UGGT2: variants seen among roughly 807,000 people sequenced by gnomAD.
The protein encoded by UGGT2 is UDP-glucose glycoprotein glucosyltransferase 2.
In UGGT2, 180 loss-of-function variants were observed where a neutral mutation model predicts 192.1. The ratio of observed to expected loss-of-function variants is 0.94; its 90% CI spans 0.83 to 1.06. The LOEUF is 1.06. UGGT2 is among the 50% of genes least tolerant of loss of function. UGGT2 has a pLI of 0.00. For synonymous variants in UGGT2, 580 were observed against 591.0 expected, an observed-to-expected ratio of 0.98 and a Z score of 0.27; for missense variants, 1,849 against 1,795.7, an observed-to-expected ratio of 1.03 and a Z score of -0.54.
At chr13:95,865,546 C>T (rs1890581492) in intron 30 of UGGT2, among the ~76,000 whole-genome samples, 2 of 152,120 alleles carry the variant, frequency 1.3e-5, no homozygotes, top group South Asian at 2.1e-4. Flanking sequence ...TGCCTGTGGT[C>T]CCAGTTACTC....
intron 24 of UGGT2, among the ~76,000 whole-genome samples, chr13:95,892,901 CAT>C (rs950463433): frequency 6.6e-6 from 1 of 152,094 alleles, no homozygotes; most frequent in Non-Finnish European, 1.5e-5. Context: ...TTCAAGACCT[CAT>C]AGTTTCTCAC....
In UGGT2 at chr13:95,940,038, C is replaced by G. The variant is rs1403424306; in HGVS notation, c.1731G>C (p.Lys577Asn). ...DQNILTVDNV[K>N]SVLQNTFPHA... is the part of the protein sequence containing the mutation. ...GAGGAAATGTATTTTGGAGAACACTCTTCACATTGTCCACAGTGAGTATAT... is the reference window on the plus strand; with the variant it reads ...GAGGAAATGTATTTTGGAGAACACTGTTCACATTGTCCACAGTGAGTATAT... Residue 577 changes from lysine to asparagine, a missense_variant, in exon 16 of 39, where the codon AAG becomes AAC. Lys to Asn is a moderately conservative substitution (Grantham distance 94). Transcript: ENST00000376747. 1 of 1,591,652 alleles carries G rather than the reference C, an allele frequency of 6.3e-7. No individual in the cohort carries two copies. The highest frequency in any genetic ancestry group is 8.6e-7 in the Non-Finnish European group (1 of 1,169,318).
At chr13:95,938,570 G>T (rs1168508921) in intron 16 of UGGT2, among the ~76,000 whole-genome samples, 4 of 152,140 alleles carry the variant, frequency 2.6e-5, no homozygotes, top group African/African-American at 9.7e-5. Flanking sequence ...CTTAACCACT[G>T]TACTATACTA....
intron 6 of UGGT2, among the ~76,000 whole-genome samples, chr13:95,998,787 A>G (rs1770961877): frequency 6.6e-6 from 1 of 150,670 alleles, no homozygotes; most frequent in African/African-American, 2.4e-5. Context: ...TCAGGATAGA[A>G]AAAAAAAAAC....
chr13:95,958,723 A>G (rs950511027), intron 12 of UGGT2, among the ~76,000 whole-genome samples: 20 of 151,998 alleles, frequency 1.3e-4, no homozygotes, highest in Non-Finnish European at 2.6e-4. Flanking sequence ...CGTCTAAGGG[A>G]GCACACTGGA....
intron 38 of UGGT2, among the ~76,000 whole-genome samples, chr13:95,812,831 A>G (rs1461382606): frequency 1.3e-5 from 2 of 152,030 alleles, no homozygotes; most frequent in African/African-American, 4.8e-5. Flanking sequence ...CTACCAGTAA[A>G]AGCTCCCTGA....
intron 2 of UGGT2, among the ~76,000 whole-genome samples, chr13:96,024,643 A>G (rs934371772): frequency 4.6e-5 from 7 of 152,230 alleles, no homozygotes; most frequent in Non-Finnish European, 7.3e-5. Context: ...AGGCATCCAT[A>G]GAGGCTGGCC....
chr13:95,972,537 T>C (rs746117893), intron 11 of UGGT2, 43 bp downstream of exon 11: 36 of 1,438,308 alleles, frequency 2.5e-5, no homozygotes, highest in Middle Eastern at 2.0e-4. Flanking sequence ...TGTTTATTTT[T>C]ATATAAACCA....
Position 95,867,334 on chromosome 13 carries a change from C to T in UGGT2, c.3558+5G>A. On this transcript the variant is annotated splice_donor_5th_base_variant and intron_variant, in intron 30 of 38. Transcript: ENST00000376747. ...AAGCCTATAAAAAGTTCTGCCCCCACATACTTTTACTTTGAGTATCTTGCT... is the reference window on the plus strand; with the variant it reads ...AAGCCTATAAAAAGTTCTGCCCCCATATACTTTTACTTTGAGTATCTTGCT... 2 of 1,600,854 alleles carry T rather than the reference C, an allele frequency of 1.2e-6. No homozygotes were observed. The highest frequency in any genetic ancestry group is 1.7e-6 in the Non-Finnish European group (2 of 1,174,816).
At chr13:95,883,079 G>A (rs1420284829) in intron 27 of UGGT2, among the ~76,000 whole-genome samples, 1 of 152,114 alleles carries the variant, frequency 6.6e-6, no homozygotes, top group Non-Finnish European at 1.5e-5. Context: ...GGTTATGACT[G>A]AGTTTTAGGT....
intron 1 of UGGT2, among the ~76,000 whole-genome samples, chr13:96,051,414 C>T (rs2053482290): frequency 6.6e-6 from 1 of 152,096 alleles, no homozygotes; most frequent in South Asian, 2.1e-4. Context: ...ACCAACATGG[C>T]ACATGTATAT....
chr13:95,881,405 C>T (rs112287819), intron 27 of UGGT2, among the ~76,000 whole-genome samples: 3 of 152,058 alleles, frequency 2.0e-5, no homozygotes, highest in African/African-American at 7.2e-5. Flanking sequence ...GCAAATGTGA[C>T]CTTTTCCCAA....
chr13:96,048,544 C>T (rs2053387754), intron 1 of UGGT2, among the ~76,000 whole-genome samples: 1 of 143,502 alleles, frequency 7.0e-6, no homozygotes, highest in Non-Finnish European at 1.6e-5. Context: ...TCAATGAATT[C>T]AGGAGCTGGT....
chr13:96,050,887 C>A (rs1328309093), intron 1 of UGGT2, among the ~76,000 whole-genome samples: 1 of 152,170 alleles, frequency 6.6e-6, no homozygotes, highest in East Asian at 1.9e-4. Context: ...GTTGGTGGGA[C>A]TGTAAACTAG....
At chr13:95,849,297 G>A (rs1888779023) in intron 36 of UGGT2, among the ~76,000 whole-genome samples, 1 of 152,028 alleles carries the variant, frequency 6.6e-6, no homozygotes, top group South Asian at 2.1e-4. Flanking sequence ...AGCACTTTGG[G>A]AGGCCAAGGC....
chr13:95,964,820 G>A (rs2050515954), intron 12 of UGGT2, among the ~76,000 whole-genome samples: 1 of 151,644 alleles, frequency 6.6e-6, no homozygotes, highest in African/African-American at 2.4e-5. Flanking sequence ...CTACAAAATG[G>A]GAGAAAATTT....
At chr13:95,815,930 T>C (rs1325894403) in intron 38 of UGGT2, among the ~76,000 whole-genome samples, 1 of 152,166 alleles carries the variant, frequency 6.6e-6, no homozygotes, top group Non-Finnish European at 1.5e-5. Flanking sequence ...CTTCTTGTGA[T>C]AGTGAGTGAG....
chr13:95,817,411 C>T (rs867248929), intron 38 of UGGT2, among the ~76,000 whole-genome samples: 1 of 152,048 alleles, frequency 6.6e-6, no homozygotes, highest in African/African-American at 2.4e-5. Flanking sequence ...ATAGCAAGAC[C>T]CTGTCCCTAC....
intron 31 of UGGT2, among the ~76,000 whole-genome samples, chr13:95,861,753 G>A (rs1421843309): frequency 6.6e-6 from 1 of 152,032 alleles, no homozygotes; most frequent in East Asian, 1.9e-4. Context: ...TATGACAGAA[G>A]TATTTTTCAA....
Sources: gnomAD v4.1 joint callset for allele counts (sites outside exome capture counted in the v4.1 genomes callset) on GRCh38, gnomAD v4.1.1 for gene constraint, MANE v1.5 for transcripts, NCBI Gene and HGNC (gene_info 2026-07-23, HGNC 2026-07-21) for gene names.